PLCH1: variants seen among roughly 807,000 people sequenced by gnomAD.
PLCH1 encodes the protein phospholipase C eta 1, also known as 1-phosphatidylinositol 4,5-bisphosphate phosphodiesterase eta-1.
A neutral mutation model predicts 126.7 loss-of-function variants in PLCH1; 60 were observed. The observed-to-expected ratio is 0.47, with a 90% CI of 0.38 to 0.59. The LOEUF is 0.59. Among genes scored for constraint, PLCH1 ranks in the 20% least tolerant of loss-of-function variants. The pLI, the probability that PLCH1 is intolerant of heterozygous loss-of-function variation, is 0.00. For missense variants in PLCH1, 1,723 were observed against 2,040.0 expected, an observed-to-expected ratio of 0.84 and a Z score of 2.99; for synonymous variants, 719 against 734.9, an observed-to-expected ratio of 0.98 and a Z score of 0.35.
At chr3:155,491,214 A>G (rs1368057509) in intron 18 of PLCH1, among the ~76,000 whole-genome samples, 1 of 152,104 alleles carries the variant, frequency 6.6e-6, no homozygotes, top group Non-Finnish European at 1.5e-5. Flanking sequence ...AACAACCTAA[A>G]TTTCTATCAT....
intron 15 of PLCH1, 90 bp from the exon 16 acceptor site, chr3:155,494,607 A>G: frequency 9.6e-7 from 1 of 1,041,458 alleles, no homozygotes; most frequent in Non-Finnish European, 1.4e-6. Flanking sequence ...GTCAGATTAT[A>G]CCAATAGCAA....
chr3:155,701,807 T>C (rs1746296405), intron 2 of PLCH1, among the ~76,000 whole-genome samples: 1 of 152,168 alleles, frequency 6.6e-6, no homozygotes, highest in African/African-American at 2.4e-5. Flanking sequence ...TCAAGTAAGT[T>C]CCTATGTTAA....
intron 21 of PLCH1, chr3:155,486,070 A>T: frequency 1.1e-6 from 1 of 877,528 alleles, no homozygotes; most frequent in African/African-American, 1.7e-5. Flanking sequence ...AGATGGAGTG[A>T]TATGAAAAAG....
intron 4 of PLCH1, among the ~76,000 whole-genome samples, chr3:155,590,373 T>C (rs1178216406): frequency 6.6e-6 from 1 of 152,112 alleles, no homozygotes; most frequent in Non-Finnish European, 1.5e-5. Context: ...GGTCAGGAGA[T>C]AGAGACCATC....
intron 2 of PLCH1, among the ~76,000 whole-genome samples, chr3:155,650,547 A>C (rs1244509866): frequency 6.6e-6 from 1 of 152,212 alleles, no homozygotes; most frequent in African/African-American, 2.4e-5. Flanking sequence ...GTCACCTTTA[A>C]ACCACAGAGA....
rs150006556 is a variant in PLCH1 at position 155,696,196 on chromosome 3, C to A, written c.79+7950G>T. ...ATATTCCTTTGAAACCAACAATTTA[C>A]TCTTGAAATAACCCCAAACATATTT... On this transcript the variant is annotated intron_variant, in intron 2 of 22. Transcript: ENST00000460012. Among the ~76,000 whole-genome samples the A allele has an allele frequency of 3.9e-3, 594 of 152,300 alleles. 3 individuals are homozygous for A. Among genetic ancestry groups the A allele is most frequent in the African/African-American group, 0.014 (577 of 41,578 alleles).
intron 2 of PLCH1, among the ~76,000 whole-genome samples, chr3:155,640,909 T>G (rs1362951650): frequency 3.9e-5 from 6 of 152,180 alleles, no homozygotes; most frequent in Admixed American, 3.9e-4. Context: ...TTCCTAAGCC[T>G]GTCAAAGTAA....
At position 155,607,607 on chromosome 3, in the gene PLCH1, A is replaced by G. The variant is rs369759851; in HGVS notation, c.80-11229T>C. Among the ~76,000 whole-genome samples the G allele has an allele frequency of 3.3e-5, 5 of 152,088 alleles. No individual in the cohort carries two copies. In the East Asian group the frequency reaches 7.7e-4, roughly 24 times the overall value. Reference sequence around the variant, plus strand: ...AGGTGCATGCCACCACACCTGGCTAATTTTTGTATTTTTTCATAAAAACAG... The same window carrying G: ...AGGTGCATGCCACCACACCTGGCTAGTTTTTGTATTTTTTCATAAAAACAG... On this transcript the variant is annotated intron_variant, in intron 2 of 22. Coordinates refer to ENST00000460012, the MANE Select transcript of PLCH1 (RefSeq NM_014996.4).
At chr3:155,500,324 G>A (rs1409133010) in intron 14 of PLCH1, among the ~76,000 whole-genome samples, 3 of 152,174 alleles carry the variant, frequency 2.0e-5, no homozygotes, top group Non-Finnish European at 4.4e-5. Flanking sequence ...GTTAAAGTTG[G>A]TAACTGGAGG....
At chr3:155,671,756 T>C (rs1352917931) in intron 2 of PLCH1, among the ~76,000 whole-genome samples, 2 of 152,166 alleles carry the variant, frequency 1.3e-5, no homozygotes, top group Non-Finnish European at 2.9e-5. Flanking sequence ...GAGCTATTTC[T>C]CATCTATCAT....
At chr3:155,641,200 A>AC (rs913431489) in intron 2 of PLCH1, among the ~76,000 whole-genome samples, 7 of 152,012 alleles carry the variant, frequency 4.6e-5, no homozygotes, top group Non-Finnish European at 8.8e-5. Flanking sequence ...ACGTTAAAAA[A>AC]AAAAAAAGTC....
At chr3:155,728,198 G>A (rs546325196) in intron 1 of PLCH1, among the ~76,000 whole-genome samples, 14 of 152,134 alleles carry the variant, frequency 9.2e-5, no homozygotes, top group Admixed American at 2.6e-4. Context: ...TGGTATCAGC[G>A]GGGGGCGAGG....
intron 2 of PLCH1, among the ~76,000 whole-genome samples, chr3:155,690,195 C>T (rs983544592): frequency 2.6e-5 from 4 of 152,088 alleles, no homozygotes; most frequent in Admixed American, 1.3e-4. Flanking sequence ...TTAACTTTGC[C>T]ACTAGCTGGT....
intron 10 of PLCH1, among the ~76,000 whole-genome samples, chr3:155,541,915 G>A (rs1030522555): frequency 2.6e-5 from 4 of 152,154 alleles, no homozygotes; most frequent in South Asian, 2.1e-4. Context: ...CAAGATGGCC[G>A]AATAGGAACA....
At chr3:155,651,329 A>G (rs1225692904) in intron 2 of PLCH1, among the ~76,000 whole-genome samples, 1 of 152,220 alleles carries the variant, frequency 6.6e-6, no homozygotes, top group African/African-American at 2.4e-5. Context: ...TACTTAAATC[A>G]TGGTACAGTC....
chr3:155,542,973 CA>C (rs1195841406), intron 10 of PLCH1, among the ~76,000 whole-genome samples: 1 of 152,160 alleles, frequency 6.6e-6, no homozygotes, highest in Non-Finnish European at 1.5e-5. Flanking sequence ...CTCTAAAAAG[CA>C]GAGCACCTTT....
intron 2 of PLCH1, among the ~76,000 whole-genome samples, chr3:155,685,482 A>C (rs1445449489): frequency 6.6e-6 from 1 of 152,240 alleles, no homozygotes; most frequent in African/African-American, 2.4e-5. Context: ...AAGAGAAAGG[A>C]CAAGTCAATT....
At chr3:155,547,190 C>T (rs1725435917) in intron 10 of PLCH1, among the ~76,000 whole-genome samples, 1 of 147,408 alleles carries the variant, frequency 6.8e-6, no homozygotes, top group Admixed American at 6.7e-5. Flanking sequence ...AACAAATTTA[C>T]AAGAAAAAAA....
intron 6 of PLCH1, among the ~76,000 whole-genome samples, chr3:155,570,068 T>C (rs1484124971): frequency 2.0e-5 from 3 of 152,146 alleles, no homozygotes; most frequent in African/African-American, 7.2e-5. Flanking sequence ...AATAATCTAC[T>C]TTCTACCAAA....
Sources: allele counts gnomAD v4.1 joint callset (sites outside exome capture counted in the v4.1 genomes callset), GRCh38; gene constraint gnomAD v4.1.1; transcripts MANE v1.5; gene names NCBI Gene and HGNC (gene_info 2026-07-23, HGNC 2026-07-21).